The following HFM1 variants were observed in gnomAD, a reference collection of about 807,000 sequenced individuals.
HFM1 encodes probable ATP-dependent DNA helicase HFM1.
HFM1 carries 169 observed loss-of-function variants against 192.1 expected under a neutral mutation model. That is an observed-to-expected ratio of 0.88 (90% CI 0.78 to 1.00). The LOEUF is 1.00. HFM1 is among the 50% of genes least tolerant of loss of function. HFM1 has a pLI of 0.00. For missense variants in HFM1, 1,661 were observed against 1,668.0 expected (o/e 1.00, Z 0.07); for synonymous variants, 525 against 537.8 (o/e 0.98, Z 0.33).
At chr1:91,306,723 T>C (rs372210544) in intron 30 of HFM1, among the ~76,000 whole-genome samples, 12 of 152,302 alleles carry the variant, frequency 7.9e-5, no homozygotes, top group African/African-American at 2.9e-4. Context: ...GAAAATATTC[T>C]CTTTTTTTCT....
chr1:91,261,245 T>C lies in HFM1; in HGVS notation c.*45A>G, dbSNP rs1039839980. 1 of 782,378 alleles carries C rather than the reference T, an allele frequency of 1.3e-6. No homozygotes were observed. Among genetic ancestry groups the C allele is most frequent in the African/African-American group, 1.8e-5 (1 of 55,066 alleles). 48.5% of individuals were successfully genotyped at this position (782,378 alleles called of 1,614,324 possible). On this transcript the variant is annotated 3_prime_UTR_variant, in exon 39 of 39. Coordinates refer to ENST00000370425, the MANE Select transcript of HFM1 (RefSeq NM_001017975.6). The stretch of plus-strand genomic sequence containing the variant: ...ATAAAAAGCATGCTTTGTGATTAGG[T>C]GTCTTTATTCTTTCTCTTATCAATA...
intron 2 of HFM1, among the ~76,000 whole-genome samples, chr1:91,398,667 A>G (rs1183829863): frequency 6.6e-6 from 1 of 151,902 alleles, no homozygotes; most frequent in African/African-American, 2.4e-5. Context: ...TAACAAATAG[A>G]TAATGCATTG....
At chr1:91,276,941 A>G (rs1378508881) in intron 31 of HFM1, 41 bp downstream of exon 31, 12 of 1,240,608 alleles carry the variant, frequency 9.7e-6, no homozygotes, top group Non-Finnish European at 1.4e-5. Context: ...AAGACCTTTC[A>G]ATTTTGAACA....
At chr1:91,287,310 A>ACG (rs1194822676) in intron 30 of HFM1, among the ~76,000 whole-genome samples, 3 of 152,182 alleles carry the variant, frequency 2.0e-5, no homozygotes, top group African/African-American at 7.2e-5. Flanking sequence ...GCAGCTGGAG[A>ACG]TCTGAGAAGG....
chr1:91,261,417 TACAC>T, intron 38 of HFM1, 58 bp from the exon 39 acceptor site: 1 of 748,742 alleles, frequency 1.3e-6, no homozygotes, highest in Non-Finnish European at 2.0e-6. Context: ...TATTTTAAAA[TACAC>T]AATAAATAAT....
At chr1:91,320,111 T>C (rs774463110) in intron 23 of HFM1, among the ~76,000 whole-genome samples, 1 of 152,228 alleles carries the variant, frequency 6.6e-6, no homozygotes, top group Non-Finnish European at 1.5e-5. Flanking sequence ...CTAAAATTAC[T>C]GTACTTATTA....
chr1:91,328,641 C>T, intron 20 of HFM1: 1 of 1,589,892 alleles, frequency 6.3e-7, no homozygotes. Flanking sequence ...TCTTTGAGGG[C>T]ACGCCACCAC....
intron 30 of HFM1, among the ~76,000 whole-genome samples, chr1:91,302,016 T>C (rs1648845962): frequency 1.0e-5 from 1 of 96,362 alleles, no homozygotes. Context: ...GAGAAAATTT[T>C]TGCAATCTAC....
rs1288397011 is a variant in HFM1, at chr1:91,319,208, C to T, written c.2682G>A (p.Trp894Ter). Reference sequence around the variant, plus strand: ...CTTGAGCAGCTACAAAATCTGACAACCCTAAAAAAAAAGTTTCCAGTATTA... The same window carrying T: ...CTTGAGCAGCTACAAAATCTGACAATCCTAAAAAAAAAGTTTCCAGTATTA... Reference protein sequence around the residue: ...IFRHGSRITRWLSDFVAAQEK... With the variant: ...IFRHGSRITR The change falls in exon 25 of 39, where the codon TGG (tryptophan) becomes TGA (stop). Residue 894 changes from tryptophan (W) to a stop codon, truncating the protein, a stop_gained and splice_region_variant. Transcript: ENST00000370425. LOFTEE classifies it high-confidence loss of function. The T allele has an allele frequency of 5.0e-6, 8 of 1,602,490 alleles. No individual in the cohort carries two copies. Among genetic ancestry groups the T allele is most frequent in the Non-Finnish European group, 6.8e-6 (8 of 1,176,764 alleles).
upstream of HFM1, among the ~76,000 whole-genome samples, chr1:91,405,520 A>G (rs563772110): frequency 1.9e-4 from 29 of 152,176 alleles, no homozygotes; most frequent in Non-Finnish European, 3.5e-4. Flanking sequence ...TCTAGGGCCA[A>G]CCTACTGCTG....
intron 30 of HFM1, among the ~76,000 whole-genome samples, chr1:91,290,638 T>C (rs1269480234): frequency 6.6e-6 from 1 of 152,050 alleles, no homozygotes; most frequent in African/African-American, 2.4e-5. Flanking sequence ...ATTACACAGA[T>C]CAACGAGACA....
At chr1:91,296,522 T>C (rs1647598003) in intron 30 of HFM1, among the ~76,000 whole-genome samples, 1 of 152,142 alleles carries the variant, frequency 6.6e-6, no homozygotes, top group Admixed American at 6.5e-5. Context: ...ATATGAATTT[T>C]ATAATTAGCT....
chr1:91,366,359 G>T (rs1333511661), intron 13 of HFM1, among the ~76,000 whole-genome samples: 1 of 152,162 alleles, frequency 6.6e-6, no homozygotes, highest in Non-Finnish European at 1.5e-5. Flanking sequence ...ACTGCCTTCA[G>T]AGTTAAGTTT....
In HFM1 at chr1:91,324,656, C is replaced by G. The variant is rs1311968640; in HGVS notation, c.2427+19G>C. On this transcript the variant is annotated intron_variant, in intron 21 of 38. Transcript: ENST00000370425. ...TACTATACCACTATGTATTTTTTTT[C>G]TAGTGAAAATTAATTTACCAGATCT... 1 of 1,092,032 alleles carries G rather than the reference C, an allele frequency of 9.2e-7. No homozygotes were observed. Among genetic ancestry groups the G allele is most frequent in the Admixed American group, 1.9e-5 (1 of 52,598 alleles). The allele number at this position is 1,092,032 out of a possible 1,614,324, so 67.6% of individuals were successfully genotyped here. A position where few individuals can be genotyped will look rare whatever the true frequency, so the allele number is the denominator to read the frequency against.
chr1:91,261,314 C>T lies in HFM1; in HGVS notation c.4284G>A (p.Leu1428=). The T allele has an allele frequency of 7.1e-7, 1 of 1,411,676 alleles. No homozygotes were observed. Among genetic ancestry groups the T allele is most frequent in the Non-Finnish European group, 9.4e-7 (1 of 1,067,872 alleles). 87.4% of individuals were successfully genotyped at this position (1,411,676 alleles called of 1,614,324 possible). ...TTTAGAAAATACCATCAAATATTCC[C>T]AATAAAGACTTCATTTCATCAGCTT... is the stretch of plus-strand genomic sequence containing the variant. ...DDEADEMKSL[L]GIFDGIF is the part of the protein sequence containing the mutation. Residue 1428 remains leucine (L), a synonymous_variant, in exon 39 of 39, where the codon TTG becomes TTA. Transcript: ENST00000370425.
Position 91,274,737 on chromosome 1 carries a change from T to C in HFM1, c.3661A>G (p.Ile1221Val), listed in dbSNP as rs755216470. ...TTAACATTATATTTGTACCTTGATATACTAGGAAGGGAAGGTTTTGGAGTA... is the reference window on the plus strand; with the variant it reads ...TTAACATTATATTTGTACCTTGATACACTAGGAAGGGAAGGTTTTGGAGTA... The part of the protein sequence containing the change: ...GFTPKPSLPS[I>V]SRSEYLNISE... The change falls in exon 33 of 39, where the codon ATA (isoleucine) becomes GTA (valine). Residue 1221 changes from isoleucine to valine, a missense_variant. Coordinates refer to ENST00000370425, the MANE Select transcript of HFM1 (RefSeq NM_001017975.6). 1.0e-5 allele frequency: 15 copies of C among 1,487,174 alleles called. No individual in the cohort carries two copies. Among genetic ancestry groups the C allele is most frequent in the African/African-American group, 1.4e-5 (1 of 72,456 alleles). 92.1% of individuals were successfully genotyped at this position (1,487,174 alleles called of 1,614,324 possible).
intron 23 of HFM1, among the ~76,000 whole-genome samples, chr1:91,321,174 G>C (rs1208865303): frequency 6.6e-6 from 1 of 152,220 alleles, no homozygotes; most frequent in Non-Finnish European, 1.5e-5. Context: ...AGGCACGCTG[G>C]CTCACGCCTG....
chr1:91,373,358 T>C (rs282040), intron 13 of HFM1, among the ~76,000 whole-genome samples: 152,042 of 152,224 alleles, frequency 1, 75,930 homozygotes, highest in Non-Finnish European at 1. Context: ...TGTCCAATTT[T>C]AGTCTGAGGT....
intron 13 of HFM1, among the ~76,000 whole-genome samples, chr1:91,360,583 A>G (rs980872992): frequency 6.6e-6 from 1 of 152,216 alleles, no homozygotes; most frequent in Non-Finnish European, 1.5e-5. Flanking sequence ...TCAGACTCCC[A>G]GACAATAATA....
Sources: gnomAD v4.1 joint callset for allele counts (sites outside exome capture counted in the v4.1 genomes callset) on GRCh38, gnomAD v4.1.1 for gene constraint, MANE v1.5 for transcripts, NCBI Gene and HGNC (gene_info 2026-07-23, HGNC 2026-07-21) for gene names.